HSPA4: variants seen among roughly 807,000 people sequenced by gnomAD.
HSPA4 encodes the protein heat shock protein family A (Hsp70) member 4.
Under a neutral mutation model 106.2 loss-of-function variants are expected in HSPA4, and 25 were observed. That is an observed-to-expected ratio of 0.24 (90% confidence interval 0.17 to 0.33). The LOEUF (loss-of-function observed/expected upper bound fraction) is 0.33. HSPA4 is among the 10% of genes least tolerant of loss of function. The pLI is 1.00. For missense variants in HSPA4, 841 were observed against 996.0 expected, an observed-to-expected ratio of 0.84 and a Z score of 2.10; for synonymous variants, 332 against 333.6, an observed-to-expected ratio of 1.00 and a Z score of 0.05.
chr5:133,067,407 T>C lies in HSPA4; in HGVS notation c.166-10T>C. The C allele has an allele frequency of 6.2e-7, 1 of 1,601,444 alleles. No individual in the cohort carries two copies. The highest frequency in any genetic ancestry group is 8.5e-7 in the Non-Finnish European group (1 of 1,174,626). ...GTAGTCTTTCCACTCTTTGATATTC[T>C]TTCTCTTAGGTAATTTCTAATGCAA... On this transcript the variant is annotated splice_polypyrimidine_tract_variant and intron_variant, in intron 2 of 18. Transcript: ENST00000304858.
chr5:133,067,316 ACT>A, intron 2 of HSPA4, 99 bp from the exon 3 acceptor site: 1 of 991,006 alleles, frequency 1.0e-6, no homozygotes, highest in Non-Finnish European at 1.5e-6. Context: ...CAAGAAGGAG[ACT>A]CTATATAAAG....
At chr5:133,074,370 C>T (rs879884069) in intron 6 of HSPA4, among the ~76,000 whole-genome samples, 8 of 151,924 alleles carry the variant, frequency 5.3e-5, no homozygotes, top group Non-Finnish European at 1.2e-4. Context: ...CCTCCACCTC[C>T]CAGGTTCAAG....
chr5:133,080,039 CAA>C (rs1006312532), intron 7 of HSPA4, among the ~76,000 whole-genome samples: 1 of 152,066 alleles, frequency 6.6e-6, no homozygotes, highest in Non-Finnish European at 1.5e-5. Flanking sequence ...ATATTGCTGT[CAA>C]AGTGTGACAG....
chr5:133,093,554 G>C (rs182239281), intron 13 of HSPA4, among the ~76,000 whole-genome samples: 7 of 152,084 alleles, frequency 4.6e-5, no homozygotes, highest in Non-Finnish European at 8.8e-5. Flanking sequence ...ACAGTGGCAT[G>C]ATCTCGGCTC....
chr5:133,066,689 C>G (rs910411535), intron 2 of HSPA4, among the ~76,000 whole-genome samples: 5 of 149,198 alleles, frequency 3.4e-5, no homozygotes, highest in Non-Finnish European at 5.9e-5. Context: ...TTTTTTTCCC[C>G]TTTATGAGAA....
At chr5:133,066,978 C>T (rs988290380) in intron 2 of HSPA4, among the ~76,000 whole-genome samples, 15 of 152,060 alleles carry the variant, frequency 9.9e-5, no homozygotes, top group Non-Finnish European at 1.9e-4. Context: ...TTTCAAAGTG[C>T]TGGGATTACA....
intron 8 of HSPA4, among the ~76,000 whole-genome samples, chr5:133,087,504 T>C (rs986358791): frequency 6.6e-6 from 1 of 152,248 alleles, no homozygotes; most frequent in African/African-American, 2.4e-5. Flanking sequence ...CAATGGTTGT[T>C]AGATAAAATG....
rs533273263 is a variant in HSPA4, at chr5:133,102,913, C to CTTTTTTTTTTTTTT, written c.2158-948_2158-935dup. ...TACCACCACACCCAACTAGGGTTGT[C>CTTTTTTTTTTTTTT]TTTTTTTTTTTTTTTTTGAGATGGC... is the stretch of plus-strand genomic sequence containing the variant. On this transcript the variant is annotated intron_variant, in intron 17 of 18. Coordinates refer to ENST00000304858, the MANE Select transcript of HSPA4 (RefSeq NM_002154.4). Among the ~76,000 whole-genome samples, 382 of 103,258 alleles carry CTTTTTTTTTTTTTT rather than the reference C, an allele frequency of 3.7e-3. 17 individuals are homozygous for CTTTTTTTTTTTTTT. The highest frequency in any genetic ancestry group is 4.9e-3 in the Non-Finnish European group (266 of 54,146). 67.7% of individuals were successfully genotyped at this position (103,258 alleles called of 152,430 possible).
chr5:133,087,866 C>T (rs1031184219), intron 8 of HSPA4, among the ~76,000 whole-genome samples: 4 of 152,156 alleles, frequency 2.6e-5, no homozygotes, highest in East Asian at 1.9e-4. Context: ...TCAGGTGATC[C>T]GCCCACTTCG....
At chr5:133,084,014 G>A (rs912700078) in intron 7 of HSPA4, among the ~76,000 whole-genome samples, 1 of 152,070 alleles carries the variant, frequency 6.6e-6, no homozygotes, top group African/African-American at 2.4e-5. Flanking sequence ...GGTTTTAAGT[G>A]CTCATTTGCT....
At chr5:133,066,748 TTTTTTGAGAGTGCAG>T (rs1765311736) in intron 2 of HSPA4, among the ~76,000 whole-genome samples, 5 of 151,036 alleles carry the variant, frequency 3.3e-5, no homozygotes, top group Admixed American at 2.0e-4. Context: ...TTTTTTTTTT[TTTTTTGAGAGTGCAG>T]TTTTTGAGAG....
chr5:133,058,581 G>GGC (rs1488513897), intron 1 of HSPA4, among the ~76,000 whole-genome samples: 1 of 152,058 alleles, frequency 6.6e-6, no homozygotes, highest in Non-Finnish European at 1.5e-5. Context: ...ATGAGGCTGA[G>GGC]GCATGAGAAT....
chr5:133,097,333 A>T (rs752855400), intron 15 of HSPA4, 47 bp downstream of exon 15: 1 of 1,566,292 alleles, frequency 6.4e-7, no homozygotes, highest in South Asian at 1.1e-5. Context: ...TTCTGTGAAC[A>T]TCTTTAAGTG....
chr5:133,080,781 TCTTATA>T (rs1765504872), intron 7 of HSPA4, among the ~76,000 whole-genome samples: 1 of 152,122 alleles, frequency 6.6e-6, no homozygotes, highest in African/African-American at 2.4e-5. Context: ...TGACATTTAT[TCTTATA>T]CTTCTAATTC....
At chr5:133,087,419 A>C (rs1581476501) in intron 8 of HSPA4, among the ~76,000 whole-genome samples, 2 of 152,302 alleles carry the variant, frequency 1.3e-5, no homozygotes, top group South Asian at 4.2e-4. Context: ...TTTCCTCTTT[A>C]GTGATGATGG....
chr5:133,070,308 C>T lies in HSPA4; in HGVS notation c.307-66C>T, dbSNP rs560180476. 8.1e-6 allele frequency: 12 copies of T among 1,476,592 alleles called. No individual in the cohort carries two copies. In the East Asian group the frequency reaches 2.2e-4, roughly 27 times the overall value. The allele number at this position is 1,476,592 out of a possible 1,614,324, so 91.5% of individuals were successfully genotyped here. A position where few individuals can be genotyped will look rare whatever the true frequency, so the allele number is the denominator to read the frequency against. Reference sequence around the variant, plus strand: ...TAATGGGAAGCATTGTTCATTTTAGCTTTTAGGACTAGGACATGAAGAAAG... The same window carrying T: ...TAATGGGAAGCATTGTTCATTTTAGTTTTTAGGACTAGGACATGAAGAAAG... On this transcript the variant is annotated intron_variant, in intron 3 of 18. Coordinates refer to ENST00000304858, the MANE Select transcript of HSPA4 (RefSeq NM_002154.4).
intron 18 of HSPA4, 32 bp downstream of exon 18, chr5:133,104,058 C>T: frequency 6.4e-7 from 1 of 1,557,414 alleles, no homozygotes; most frequent in Non-Finnish European, 8.8e-7. Flanking sequence ...ATAGTCTTTT[C>T]TTGACAGCCT....
chr5:133,097,549 C>CTTTTTTT (rs551499462), intron 15 of HSPA4, among the ~76,000 whole-genome samples: 1 of 127,586 alleles, frequency 7.8e-6, no homozygotes, highest in Non-Finnish European at 1.6e-5. Flanking sequence ...CTTTTCTTTT[C>CTTTTTTT]TTTTTTTTTT....
At chr5:133,094,029 GT>G (rs1765681721) in intron 13 of HSPA4, among the ~76,000 whole-genome samples, 1 of 152,148 alleles carries the variant, frequency 6.6e-6, no homozygotes, top group Non-Finnish European at 1.5e-5. Context: ...GGAGATGGAG[GT>G]TATGTGAGCT....
Sources: gnomAD v4.1 joint callset for allele counts (sites outside exome capture counted in the v4.1 genomes callset) on GRCh38, gnomAD v4.1.1 for gene constraint, MANE v1.5 for transcripts, NCBI Gene and HGNC (gene_info 2026-07-23, HGNC 2026-07-21) for gene names.